Variants in TNFAIP8 observed in about 807,000 individuals in gnomAD.
TNFAIP8 encodes TNF alpha induced protein 8.
A neutral mutation model predicts 13.3 loss-of-function variants in TNFAIP8; 7 were observed. The ratio of observed to expected loss-of-function variants is 0.52; its 90% confidence interval spans 0.30 to 0.99. TNFAIP8 has a LOEUF of 0.99. Ranked by LOEUF, TNFAIP8 falls within the 50% of genes least tolerant of loss-of-function variation. The pLI is 0.07. For missense variants in TNFAIP8, 258 were observed against 236.9 expected, an observed-to-expected ratio of 1.09 and a Z score of -0.58; for synonymous variants, 94 against 87.6, an observed-to-expected ratio of 1.07 and a Z score of -0.41.
intron 1 of TNFAIP8, among the ~76,000 whole-genome samples, chr5:119,380,846 T>G (rs1297616246): frequency 6.6e-6 from 1 of 152,260 alleles, no homozygotes; most frequent in Non-Finnish European, 1.5e-5. Flanking sequence ...TTTAAATGTT[T>G]AATATAGTGA....
chr5:119,391,186 TC>T (rs1181742099), intron 1 of TNFAIP8, among the ~76,000 whole-genome samples: 1 of 152,100 alleles, frequency 6.6e-6, no homozygotes, highest in Admixed American at 6.6e-5. Context: ...GAGTCACTCT[TC>T]CTATATGTCT....
intron 1 of TNFAIP8, among the ~76,000 whole-genome samples, chr5:119,387,417 A>G (rs1043336532): frequency 2.6e-5 from 4 of 152,234 alleles, no homozygotes; most frequent in Admixed American, 6.5e-5. Flanking sequence ...AGAATTTGCA[A>G]TGTATGTACA....
Position 119,324,274 on chromosome 5 carries a change from CAAAAAAAAAAAAAAAAAAAAAAAAAA to C in TNFAIP8, c.1+55382_1+55407del, listed in dbSNP as rs56104829. On this transcript the variant is annotated intron_variant, in intron 1 of 1. Coordinates refer to the TNFAIP8 transcript ENST00000274456. ...TGAGCCACAAAGCAAGACGCCATCT[CAAAAAAAAAAAAAAAAAAAAAAAAAA>C]AAAAAAAAAAAAAAGAAGAAGTTCC... 5.3e-3 allele frequency among the ~76,000 whole-genome samples: 413 copies of C among 77,676 alleles called. 7 individuals carry two copies. Among genetic ancestry groups the C allele is most frequent in the African/African-American group, 0.019 (384 of 20,644 alleles). The allele number at this position is 77,676 out of a possible 152,430, so 51.0% of individuals were successfully genotyped here.
At chr5:119,336,998 A>G (rs1218451470) in intron 1 of TNFAIP8, among the ~76,000 whole-genome samples, 1 of 152,210 alleles carries the variant, frequency 6.6e-6, no homozygotes, top group African/African-American at 2.4e-5. Context: ...ACACAGGCCA[A>G]ATCCTCTAAT....
At chr5:119,311,279 C>T (rs1749720282) in intron 1 of TNFAIP8, among the ~76,000 whole-genome samples, 1 of 152,132 alleles carries the variant, frequency 6.6e-6, no homozygotes, top group African/African-American at 2.4e-5. Flanking sequence ...CTGCCTTGGC[C>T]TCCCAAAGTG....
chr5:119,373,748 A>G (rs1007531883), intron 1 of TNFAIP8, among the ~76,000 whole-genome samples: 3 of 152,208 alleles, frequency 2.0e-5, no homozygotes, highest in African/African-American at 7.2e-5. Flanking sequence ...GGTCCCAGGT[A>G]TAGTATTAAA....
rs1562003206 is a variant in TNFAIP8, at chr5:119,329,639, G to A, written c.1+60732G>A. On this transcript the variant is annotated intron_variant, in intron 1 of 1. Transcript: ENST00000274456. ...TAGGCTCATATCCCAGCATTCTGCT[G>A]AACAGATATGTTAACTTTATGGAGC... Among the ~76,000 whole-genome samples, 5 of 152,304 alleles carry A rather than the reference G, an allele frequency of 3.3e-5. 1 individual carries two copies. The South Asian group carries it at 1.0e-3, about 32-fold the overall frequency.
intron 1 of TNFAIP8, among the ~76,000 whole-genome samples, chr5:119,299,372 C>G (rs1164015257): frequency 6.6e-6 from 1 of 152,192 alleles, no homozygotes; most frequent in African/African-American, 2.4e-5. Context: ...TAGAGGTCCA[C>G]TCCAGACCCA....
chr5:119,311,007 T>C (rs761603244), intron 1 of TNFAIP8, among the ~76,000 whole-genome samples: 7 of 152,156 alleles, frequency 4.6e-5, no homozygotes, highest in Non-Finnish European at 8.8e-5. Context: ...TCATTTTATC[T>C]GTTTTTTGTT....
chr5:119,335,954 A>T (rs1750536987), intron 1 of TNFAIP8, among the ~76,000 whole-genome samples: 1 of 152,082 alleles, frequency 6.6e-6, no homozygotes, highest in Non-Finnish European at 1.5e-5. Context: ...GATTGATATT[A>T]GACTCACCTG....
chr5:119,379,651 C>T (rs554332322), intron 1 of TNFAIP8, among the ~76,000 whole-genome samples: 137 of 152,076 alleles, frequency 9.0e-4, no homozygotes, highest in African/African-American at 2.8e-3. Flanking sequence ...AGTGGAGTGG[C>T]GTGATCTGAG....
intron 1 of TNFAIP8, among the ~76,000 whole-genome samples, chr5:119,314,121 C>T (rs1749811611): frequency 6.6e-6 from 1 of 152,066 alleles, no homozygotes; most frequent in South Asian, 2.1e-4. Context: ...ATTACTTGAG[C>T]CCAGGAATTC....
chr5:119,387,101 G>A (rs1752711402), intron 1 of TNFAIP8, among the ~76,000 whole-genome samples: 1 of 151,928 alleles, frequency 6.6e-6, no homozygotes, highest in Non-Finnish European at 1.5e-5. Flanking sequence ...CACATCACTA[G>A]CTACTCCGAG....
chr5:119,357,655 G>A (rs1429481407), intron 1 of TNFAIP8, among the ~76,000 whole-genome samples: 1 of 151,796 alleles, frequency 6.6e-6, no homozygotes, highest in Non-Finnish European at 1.5e-5. Flanking sequence ...TTTGGAAGCA[G>A]CCTGCAAACT....
intron 1 of TNFAIP8, among the ~76,000 whole-genome samples, chr5:119,299,892 T>C (rs539792820): frequency 9.9e-4 from 151 of 152,350 alleles, no homozygotes; most frequent in African/African-American, 3.5e-3. Context: ...CAAGACTCCG[T>C]GGGCGTAGGA....
intron 1 of TNFAIP8, among the ~76,000 whole-genome samples, chr5:119,369,296 C>T (rs952121864): frequency 5.3e-5 from 8 of 152,216 alleles, no homozygotes; most frequent in East Asian, 1.9e-4. Flanking sequence ...TCAAGTGATC[C>T]GCCTGCCTGG....
intron 1 of TNFAIP8, among the ~76,000 whole-genome samples, chr5:119,349,008 C>T (rs1361089217): frequency 1.1e-4 from 16 of 152,018 alleles, no homozygotes; most frequent in Admixed American, 9.8e-4. Context: ...GCTGAGGATG[C>T]CTTGGTCAGA....
intron 1 of TNFAIP8, among the ~76,000 whole-genome samples, chr5:119,359,573 AGTT>A (rs1751557802): frequency 6.6e-6 from 1 of 151,718 alleles, no homozygotes; most frequent in Admixed American, 6.6e-5. Context: ...AAAAAAGTTT[AGTT>A]GTTCCGTAGT....
intron 1 of TNFAIP8, among the ~76,000 whole-genome samples, chr5:119,273,904 C>T (rs538272043): frequency 1.3e-5 from 2 of 152,316 alleles, no homozygotes; most frequent in African/African-American, 4.8e-5. Flanking sequence ...AGCAACAGCT[C>T]ACTCTGTCAA....
Sources: gnomAD v4.1 joint callset for allele counts (sites outside exome capture counted in the v4.1 genomes callset) on GRCh38, gnomAD v4.1.1 for gene constraint, MANE v1.5 for transcripts, NCBI Gene and HGNC (gene_info 2026-07-23, HGNC 2026-07-21) for gene names.